SIGLEC15: variants seen among roughly 807,000 people sequenced by gnomAD.
The protein encoded by SIGLEC15 is sialic acid binding Ig like lectin 15.
Under a neutral mutation model 26.2 loss-of-function variants are expected in SIGLEC15, and 31 were observed. That is an observed-to-expected ratio of 1.18 (90% CI 0.89 to 1.60). SIGLEC15 has a LOEUF of 1.60. SIGLEC15 is among the 40% of genes most tolerant of loss of function. The probability of loss-of-function intolerance (pLI) is 0.00; values close to 1 mark genes in which losing one functional copy is unlikely to be tolerated. For synonymous variants in SIGLEC15, 207 were observed against 221.9 expected (o/e 0.93, Z 0.60); for missense variants, 501 against 488.4 (o/e 1.03, Z -0.24).
intron 5 of SIGLEC15, among the ~76,000 whole-genome samples, chr18:45,841,718 G>T (rs2048326226): frequency 6.6e-6 from 1 of 152,180 alleles, no homozygotes; most frequent in Non-Finnish European, 1.5e-5. Context: ...GGAGAAGAGA[G>T]TGGGGCGGGT....
At chr18:45,829,551 A>G (rs1355746994) in intron 1 of SIGLEC15, among the ~76,000 whole-genome samples, 2 of 152,098 alleles carry the variant, frequency 1.3e-5, no homozygotes, top group Admixed American at 6.5e-5. Context: ...AGCCAATGGG[A>G]GTGTCTCTCC....
At chr18:45,840,562 C>G (rs984344340) in intron 5 of SIGLEC15, among the ~76,000 whole-genome samples, 2 of 152,220 alleles carry the variant, frequency 1.3e-5, no homozygotes, top group Non-Finnish European at 1.5e-5. Context: ...CCCGTTCCCC[C>G]CTGGCACTCT....
At chr18:45,829,282 T>C in intron 1 of SIGLEC15, 1 of 405,658 alleles carries the variant, frequency 2.5e-6, no homozygotes, top group Non-Finnish European at 3.3e-6. Context: ...CCAGCTGGCC[T>C]TTCACTCACT....
In SIGLEC15 at chr18:45,842,442, T is replaced by TGTGAGA. The variant is rs372465193; in HGVS notation, c.*256_*257insTGAGAG. On this transcript the variant is annotated 3_prime_UTR_variant, in exon 6 of 6. Coordinates refer to ENST00000389474, the MANE Select transcript of SIGLEC15 (RefSeq NM_213602.3). ...ATACGTCTGTGTGTGTGTGTGTGTG[T>TGTGAGA]GAGAGAGAGAGAGAGAGAGTACACG... 9 of 345,074 alleles carry TGTGAGA rather than the reference T, an allele frequency of 2.6e-5. No homozygotes were observed. The highest frequency in any genetic ancestry group is 1.5e-4 in the South Asian group (3 of 20,374). The allele number at this position is 345,074 out of a possible 1,614,324, so 21.4% of individuals were successfully genotyped here.
At chr18:45,834,636 T>C (rs1192523046) in intron 1 of SIGLEC15, among the ~76,000 whole-genome samples, 2 of 152,250 alleles carry the variant, frequency 1.3e-5, no homozygotes, top group Non-Finnish European at 2.9e-5. Context: ...CCTACAAATC[T>C]GTCTCCTTTT....
chr18:45,837,720 C>T lies in SIGLEC15; in HGVS notation c.320C>T (p.Ala107Val), dbSNP rs1401640679. 2 of 1,499,990 alleles carry T rather than the reference C, an allele frequency of 1.3e-6. No homozygotes were observed. The highest frequency in any genetic ancestry group is 2.8e-5 in the East Asian group (1 of 36,276). 92.9% of individuals were successfully genotyped at this position (1,499,990 alleles called of 1,614,324 possible). A position where few individuals can be genotyped will look rare whatever the true frequency, so the allele number is the denominator to read the frequency against. The change falls in exon 3 of 6, where the codon GCG (alanine) becomes GTG (valine). Residue 107 changes from alanine (A) to valine (V), a missense_variant. Coordinates refer to ENST00000389474, the MANE Select transcript of SIGLEC15 (RefSeq NM_213602.3). Reference sequence around the variant, plus strand: ...CGGGGCAGCGAGCTCTGCCAGACGGCGCTGAGCCTGCACGGCCGCTTCCGG... The same window carrying T: ...CGGGGCAGCGAGCTCTGCCAGACGGTGCTGAGCCTGCACGGCCGCTTCCGG... ...AARGSELCQTALSLHGRFRLL... is the reference protein window; with the variant it reads ...AARGSELCQTVLSLHGRFRLL...
chr18:45,842,076 G>A, intron 5 of SIGLEC15, 30 bp from the exon 6 acceptor site: 2 of 1,609,772 alleles, frequency 1.2e-6, no homozygotes, highest in Non-Finnish European at 1.7e-6. Flanking sequence ...CACCTGTTTG[G>A]ATGATCATTC....
chr18:45,839,151 C>T, intron 4 of SIGLEC15, 56 bp downstream of exon 4: 5 of 1,346,396 alleles, frequency 3.7e-6, no homozygotes, highest in Non-Finnish European at 4.7e-6. Flanking sequence ...GCTCTCTGCT[C>T]TTAGATAAGA....
Position 45,837,881 on chromosome 18 carries a change from C to A in SIGLEC15, c.481C>A (p.Arg161=). The part of the protein sequence containing the change: ...HDRYESRHGV[R]LHVTAAPRIV... ...CCGCTACGAGAGCCGCCACGGCGTC[C>A]GGCTGCACGTGACAGGCGAGGCGGC... is the stretch of plus-strand genomic sequence containing the variant. The change falls in exon 3 of 6, where the codon CGG becomes AGG. Residue 161 remains arginine (R), a synonymous_variant. Transcript: ENST00000389474. 6.5e-7 allele frequency: 1 copy of A among 1,527,494 alleles called. No individual in the cohort carries two copies. Among genetic ancestry groups the A allele is most frequent in the East Asian group, 2.7e-5 (1 of 37,326 alleles). 94.6% of individuals were successfully genotyped at this position (1,527,494 alleles called of 1,614,324 possible).
intron 2 of SIGLEC15, 133 bp downstream of exon 2, chr18:45,837,221 T>A: frequency 1.4e-6 from 2 of 1,406,118 alleles, no homozygotes; most frequent in Non-Finnish European, 1.9e-6. Context: ...TCAAGGGGCC[T>A]GCAGGTGAAT....
intron 4 of SIGLEC15, among the ~76,000 whole-genome samples, chr18:45,839,882 T>C (rs1485788964): frequency 1.3e-5 from 2 of 152,118 alleles, no homozygotes; most frequent in Non-Finnish European, 2.9e-5. Flanking sequence ...GCTCACACTC[T>C]AGTGAGATCA....
Position 45,838,807 on chromosome 18 carries a change from G to C in SIGLEC15, c.586G>C (p.Ala196Pro). The change falls in exon 4 of 6, where the codon GCC becomes CCC. Residue 196 changes from alanine to proline, a missense_variant. By Grantham distance (27) the Ala-to-Pro change is conservative. Coordinates refer to ENST00000389474, the MANE Select transcript of SIGLEC15 (RefSeq NM_213602.3). The part of the protein sequence containing the change: ...LCTAEGEPPP[A>P]LAWSGPALGN... ...CACTGCCGAAGGGGAGCCGCCGCCC[G>C]CCCTCGCCTGGTCCGGCCCGGCCCT... is the stretch of plus-strand genomic sequence containing the variant. 1 of 1,558,240 alleles carries C rather than the reference G, an allele frequency of 6.4e-7. No homozygotes were observed. The highest frequency in any genetic ancestry group is 1.4e-5 in the African/African-American group (1 of 73,730).
At chr18:45,836,312 T>C (rs2048275590) in intron 1 of SIGLEC15, among the ~76,000 whole-genome samples, 1 of 152,140 alleles carries the variant, frequency 6.6e-6, no homozygotes, top group African/African-American at 2.4e-5. Flanking sequence ...TGACATGGTA[T>C]CTATGAAAGC....
At position 45,842,457 on chromosome 18, in the gene SIGLEC15, G is replaced by GAA; in HGVS notation, c.*271_*272insAA. ...TGTGTGTGTGTGAGAGAGAGAGAGA[G>GAA]AGAGTACACGCATTAGCTTGAGCGT... is the stretch of plus-strand genomic sequence containing the variant. On this transcript the variant is annotated 3_prime_UTR_variant, in exon 6 of 6. Transcript: ENST00000389474. 2.1e-6 allele frequency: 1 copy of GAA among 467,022 alleles called. No homozygotes were observed. Among genetic ancestry groups the GAA allele is most frequent in the Non-Finnish European group, 3.9e-6 (1 of 257,466 alleles). 28.9% of individuals were successfully genotyped at this position (467,022 alleles called of 1,614,324 possible). A position where few individuals can be genotyped will look rare whatever the true frequency, so the allele number is the denominator to read the frequency against.
At chr18:45,830,683 T>C (rs1354540263) in intron 1 of SIGLEC15, among the ~76,000 whole-genome samples, 1 of 137,582 alleles carries the variant, frequency 7.3e-6, no homozygotes, top group Non-Finnish European at 1.5e-5. Flanking sequence ...CCTCCCAGGT[T>C]CAAGCGAGTC....
chr18:45,838,039 A>C, intron 3 of SIGLEC15, 143 bp downstream of exon 3: 164 of 1,095,676 alleles, frequency 1.5e-4, no homozygotes, highest in Middle Eastern at 3.1e-4. Context: ...CAGGGATCTC[A>C]CACCTGGGGG....
intron 1 of SIGLEC15, 69 bp downstream of exon 1, chr18:45,825,849 G>T: frequency 2.5e-6 from 4 of 1,583,048 alleles, no homozygotes; most frequent in Non-Finnish European, 3.5e-6. Context: ...CTTAGGTACA[G>T]TCTCCCCTGG....
intron 3 of SIGLEC15, 41 bp downstream of exon 3, chr18:45,837,937 C>T (rs1265435059): frequency 6.9e-7 from 1 of 1,445,052 alleles, no homozygotes; most frequent in South Asian, 1.4e-5. Context: ...TCCCTTCCCG[C>T]CCTCCCGCCT....
Position 45,825,742 on chromosome 18 carries a change from T to C in SIGLEC15, c.14T>C (p.Ile5Thr), listed in dbSNP as rs372096305. ...GATGCTCACAGCATGGAAAAGTCCA[T>C]CTGGCTGCTGGCCTGCTTGGCGTGG... MEKS[I>T]WLLACLAWVL... is the part of the protein sequence containing the mutation. The change falls in exon 1 of 6, where the codon ATC becomes ACC. Residue 5 changes from isoleucine (I) to threonine (T), a missense_variant. Coordinates refer to ENST00000389474, the MANE Select transcript of SIGLEC15 (RefSeq NM_213602.3). 6.2e-7 allele frequency: 1 copy of C among 1,614,222 alleles called. No individual in the cohort carries two copies. Among genetic ancestry groups the C allele is most frequent in the African/African-American group, 1.3e-5 (1 of 75,068 alleles).
Sources: gnomAD v4.1 joint callset for allele counts (sites outside exome capture counted in the v4.1 genomes callset) on GRCh38, gnomAD v4.1.1 for gene constraint, MANE v1.5 for transcripts, NCBI Gene and HGNC (gene_info 2026-07-23, HGNC 2026-07-21) for gene names.